SIGLEC5: variants seen among roughly 807,000 people sequenced by gnomAD.
SIGLEC5 encodes the protein sialic acid binding Ig like lectin 5.
In SIGLEC5, 34 loss-of-function variants were observed where a neutral mutation model predicts 45.9. That is an observed-to-expected ratio of 0.74 (90% CI 0.56 to 0.99). The LOEUF (loss-of-function observed/expected upper bound fraction) is 0.99. SIGLEC5 is among the 50% of genes least tolerant of loss of function. The pLI, the probability that SIGLEC5 is intolerant of heterozygous loss-of-function variation, is 0.00. For synonymous variants in SIGLEC5, 203 were observed against 258.6 expected (o/e 0.79, Z 2.06); for missense variants, 508 against 629.6 (o/e 0.81, Z 2.07).
chr19:51,612,572 C>A (rs1190597338), intron 8 of SIGLEC5, 150 bp from the exon 9 acceptor site: 2 of 599,388 alleles, frequency 3.3e-6, no homozygotes, highest in African/African-American at 3.8e-5. Flanking sequence ...CACCTGGACA[C>A]AATTTCCAAT....
At chr19:51,618,002 T>C (rs1404484036) in intron 8 of SIGLEC5, among the ~76,000 whole-genome samples, 1 of 150,664 alleles carries the variant, frequency 6.6e-6, no homozygotes, top group African/African-American at 2.4e-5. Context: ...CTTGCTATGT[T>C]GCTCATACTA....
chr19:51,624,524 C>T (rs10414347), intron 8 of SIGLEC5, among the ~76,000 whole-genome samples: 19,659 of 152,038 alleles, frequency 0.13, 1,359 homozygotes, highest in Middle Eastern at 0.22. Flanking sequence ...CCAGTCATGA[C>T]AGCTTGGTCA....
intron 8 of SIGLEC5, among the ~76,000 whole-genome samples, chr19:51,624,262 A>C (rs1397555783): frequency 6.6e-6 from 1 of 152,248 alleles, no homozygotes; most frequent in African/African-American, 2.4e-5. Context: ...AAGTCCAAGA[A>C]GTGTGCGTGG....
rs398035001 is a variant in SIGLEC5, at chr19:51,618,792, CAAAAAAAAAAAAA to C, written c.1465-6383_1465-6371del. On this transcript the variant is annotated intron_variant, in intron 8 of 8. Transcript: ENST00000683636. ...GGGTGACAGAGTGAGACTCTGTCTC[CAAAAAAAAAAAAA>C]AAAAAAAAAAAGCACCACTATGAAG... Among the ~76,000 whole-genome samples the C allele has an allele frequency of 2.3e-4, 11 of 48,312 alleles. 1 individual carries two copies. The South Asian group carries it at 4.2e-3, about 18-fold the overall frequency. 31.7% of individuals were successfully genotyped at this position (48,312 alleles called of 152,430 possible). A position where few individuals can be genotyped will look rare whatever the true frequency, so the allele number is the denominator to read the frequency against.
chr19:51,626,209 A>G (rs1983474530), intron 7 of SIGLEC5, 96 bp from the exon 8 acceptor site: 4 of 958,070 alleles, frequency 4.2e-6, no homozygotes, highest in Non-Finnish European at 6.6e-6. Context: ...ATGACAATGA[A>G]GCCATCCAGG....
intron 8 of SIGLEC5, among the ~76,000 whole-genome samples, chr19:51,614,167 CAG>C (rs1982963762): frequency 6.6e-6 from 1 of 152,176 alleles, no homozygotes; most frequent in Non-Finnish European, 1.5e-5. Context: ...CTTTTTGAGA[CAG>C]AGTTTCACTC....
intron 8 of SIGLEC5, among the ~76,000 whole-genome samples, chr19:51,617,315 C>G (rs1983105845): frequency 6.6e-6 from 1 of 151,356 alleles, no homozygotes; most frequent in Non-Finnish European, 1.5e-5. Flanking sequence ...AACAAAATTT[C>G]CAGAGTTAAA....
At chr19:51,612,706 C>T (rs1330144999) in intron 8 of SIGLEC5, among the ~76,000 whole-genome samples, 1 of 152,194 alleles carries the variant, frequency 6.6e-6, no homozygotes, top group African/African-American at 2.4e-5. Flanking sequence ...GTATTGACTC[C>T]TGTGTCCCTC....
Position 51,611,486 on chromosome 19 carries a change from G to C in SIGLEC5, c.*745C>G, listed in dbSNP as rs1391502822. 1.3e-5 allele frequency among the ~76,000 whole-genome samples: 2 copies of C among 152,194 alleles called. No individual in the cohort carries two copies. The highest frequency in any genetic ancestry group is 3.9e-4 in the East Asian group (2 of 5,194). On this transcript the variant is annotated 3_prime_UTR_variant, in exon 9 of 9. Transcript: ENST00000683636. Reference sequence around the variant, plus strand: ...AGAGGAAAGTATAAATGAATAGATAGCAGGGAGATCATGAAGGACTTTATG... The same window carrying C: ...AGAGGAAAGTATAAATGAATAGATACCAGGGAGATCATGAAGGACTTTATG...
chr19:51,612,078 C>T lies in SIGLEC5; in HGVS notation c.*153G>A. 1 of 43,148 alleles carries T rather than the reference C, an allele frequency of 2.3e-5. No individual in the cohort carries two copies. 2.7% of individuals were successfully genotyped at this position (43,148 alleles called of 1,614,324 possible). A position where few individuals can be genotyped will look rare whatever the true frequency, so the allele number is the denominator to read the frequency against. On this transcript the variant is annotated 3_prime_UTR_variant, in exon 9 of 9. Transcript: ENST00000683636. ...TGCCAGGGCCTAGATTTGAGCCCAC[C>T]TCTCTAATTCCATCTGCTTGGAGCA... is the stretch of plus-strand genomic sequence containing the variant.
At chr19:51,613,948 A>G (rs1340225265) in intron 8 of SIGLEC5, among the ~76,000 whole-genome samples, 1 of 152,100 alleles carries the variant, frequency 6.6e-6, no homozygotes, top group African/African-American at 2.4e-5. Context: ...TTATGTGCAA[A>G]CCAGAAAAGA....
chr19:51,622,965 T>C (rs1385208494), intron 8 of SIGLEC5, among the ~76,000 whole-genome samples: 2 of 152,232 alleles, frequency 1.3e-5, no homozygotes, highest in East Asian at 3.8e-4. Flanking sequence ...TTTTTATGGC[T>C]GAATAGTACT....
Position 51,612,383 on chromosome 19 carries a change from G to C in SIGLEC5, c.1504C>G (p.Gln502Glu). The C allele has an allele frequency of 1.2e-6, 2 of 1,613,176 alleles. No individual in the cohort carries two copies. The highest frequency in any genetic ancestry group is 1.7e-6 in the Non-Finnish European group (2 of 1,179,558). ...GGGGCATCCCCAGGAGGAGATGCTT[G>C]ATCTCCGGGGCTGTCTGGCCAGGGC... Reference protein sequence around the residue: ...KKPWPDSPGDQASPPGDAPPL... With the variant: ...KKPWPDSPGDEASPPGDAPPL... The change falls in exon 9 of 9, where the codon CAA (glutamine) becomes GAA (glutamate). Residue 502 changes from glutamine (Q) to glutamate (E), a missense_variant. Around this residue, in one of 2 missense-constraint regions of SIGLEC5, gnomAD observed 431 missense variants for 428.8 expected, o/e 1.01. Coordinates refer to ENST00000683636, the MANE Select transcript of SIGLEC5 (RefSeq NM_003830.4).
chr19:51,628,070 G>C lies in SIGLEC5; in HGVS notation c.761C>G (p.Thr254Ser). The C allele has an allele frequency of 6.4e-7, 1 of 1,550,984 alleles. No individual in the cohort carries two copies. The highest frequency in any genetic ancestry group is 8.7e-7 in the Non-Finnish European group (1 of 1,148,786). Residue 254 changes from threonine to serine, a missense_variant, in exon 5 of 9, where the codon ACC (threonine) becomes AGC (serine). Physicochemically the swap from Thr to Ser is moderately conservative, Grantham distance 58. Transcript: ENST00000683636. The part of the protein sequence containing the change: ...NGIALEILQN[T>S]SYLPVLEGQA... ...GCCCTCCAGGACCGGAAGGTATGAG[G>C]TGTTTTGCAGGATCTCTAGGGCTTT...
chr19:51,622,925 A>G (rs1476881615), intron 8 of SIGLEC5, among the ~76,000 whole-genome samples: 1 of 152,164 alleles, frequency 6.6e-6, no homozygotes, highest in Non-Finnish European at 1.5e-5. Context: ...AGTTCCATCC[A>G]TGTTGTTGCA....
chr19:51,614,026 A>C (rs1476610019), intron 8 of SIGLEC5, among the ~76,000 whole-genome samples: 2 of 152,200 alleles, frequency 1.3e-5, no homozygotes, highest in Admixed American at 1.3e-4. Context: ...TCCTGTCCCC[A>C]GCAAAGATGG....
At chr19:51,628,813 ATGTGTGTGTGTGCG>A (rs1345296267) in intron 4 of SIGLEC5, among the ~76,000 whole-genome samples, 1 of 120,504 alleles carries the variant, frequency 8.3e-6, no homozygotes, top group Non-Finnish European at 1.7e-5. Flanking sequence ...GTGTATATGC[ATGTGTGTGTGTGCG>A]TGTGTGTGTG....
chr19:51,612,798 C>G (rs906298746), intron 8 of SIGLEC5, among the ~76,000 whole-genome samples: 2 of 152,202 alleles, frequency 1.3e-5, no homozygotes, highest in Non-Finnish European at 2.9e-5. Flanking sequence ...AGCTCTAAAC[C>G]CCCAGTTAGA....
chr19:51,628,699 A>ATG (rs745512666), intron 4 of SIGLEC5, among the ~76,000 whole-genome samples: 3 of 135,426 alleles, frequency 2.2e-5, no homozygotes, highest in South Asian at 2.3e-4. Context: ...TGTGTGGTGT[A>ATG]TGTGTGTGTG....
Sources: gnomAD v4.1 joint callset for allele counts (sites outside exome capture counted in the v4.1 genomes callset) on GRCh38, gnomAD v4.1.1 for gene constraint, gnomAD v4.1.1 regional missense constraint, MANE v1.5 for transcripts, NCBI Gene and HGNC (gene_info 2026-07-23, HGNC 2026-07-21) for gene names.